YIF1B: variants seen among roughly 807,000 people sequenced by gnomAD.
YIF1B encodes the protein Yip1 interacting factor homolog B, membrane trafficking protein, also known as protein YIF1B.
Under a neutral mutation model 34.6 loss-of-function variants are expected in YIF1B, and 24 were observed. The observed-to-expected ratio is 0.69, with a 90% CI of 0.50 to 0.98. The LOEUF (loss-of-function observed/expected upper bound fraction) is 0.98. Among genes scored for constraint, YIF1B ranks in the 50% least tolerant of loss-of-function variants. The probability of loss-of-function intolerance (pLI) is 0.00; values close to 1 mark genes in which losing one functional copy is unlikely to be tolerated. For missense variants in YIF1B, 368 were observed against 429.4 expected, an observed-to-expected ratio of 0.86 and a Z score of 1.26; for synonymous variants, 186 against 184.8, an observed-to-expected ratio of 1.01 and a Z score of -0.05.
chr19:38,305,611 C>A (rs1968981777), intron 7 of YIF1B, 104 bp from the exon 8 acceptor site: 16 of 1,421,630 alleles, frequency 1.1e-5, no homozygotes, highest in African/African-American at 1.4e-5. Flanking sequence ...AAGCCCCAGG[C>A]AGCTGGGGAC....
intron 7 of YIF1B, chr19:38,307,134 C>T (rs1369092379): frequency 3.9e-6 from 2 of 509,702 alleles, no homozygotes; most frequent in African/African-American, 1.9e-5. Flanking sequence ...GAAATTCTGG[C>T]AGGAAGGCTC....
At chr19:38,307,115 C>A in intron 7 of YIF1B, 1 of 497,700 alleles carries the variant, frequency 2.0e-6, no homozygotes, top group African/African-American at 2.0e-5. Flanking sequence ...TAGAGAATCT[C>A]CTTCCAGGGA....
In YIF1B at chr19:38,304,537, TGCCCCTGACC is replaced by T. The variant is rs771596858; in HGVS notation, c.*805_*814del. 9.5e-6 allele frequency: 15 copies of T among 1,579,846 alleles called. No individual in the cohort carries two copies. The highest frequency in any genetic ancestry group is 1.7e-4 in the Middle Eastern group (1 of 6,036). ...TGCGGAGGGGCGGGAAGGCTGGGGT[TGCCCCTGACC>T]CCAGGGTCCTGCCTTAGGCCTCCAA... On this transcript the variant is annotated 3_prime_UTR_variant, in exon 8 of 8. Transcript: ENST00000339413.
At chr19:38,312,001 G>A (rs1373319249) in intron 1 of YIF1B, among the ~76,000 whole-genome samples, 1 of 152,092 alleles carries the variant, frequency 6.6e-6, no homozygotes, top group Non-Finnish European at 1.5e-5. Flanking sequence ...GGAGGCTGAG[G>A]CAGGAGAATT....
upstream of YIF1B, among the ~76,000 whole-genome samples, chr19:38,316,128 A>C (rs1011537794): frequency 6.7e-6 from 1 of 150,264 alleles, no homozygotes; most frequent in Non-Finnish European, 1.5e-5. Context: ...TACTGGGCTC[A>C]TGCAGTAAAG....
chr19:38,320,554 TTTTTC>T (rs1270080794), upstream of YIF1B, among the ~76,000 whole-genome samples: 2 of 151,548 alleles, frequency 1.3e-5, no homozygotes, highest in Non-Finnish European at 2.9e-5. Context: ...GTCTTTTTTT[TTTTTC>T]TTTTCTTTTT....
chr19:38,312,065 T>C (rs531167908), intron 1 of YIF1B, among the ~76,000 whole-genome samples: 11 of 152,132 alleles, frequency 7.2e-5, no homozygotes, highest in South Asian at 4.2e-4. Context: ...ATCGCGCCAC[T>C]GCACTCCAGC....
At chr19:38,316,906 C>G (rs2145032365), upstream of YIF1B, among the ~76,000 whole-genome samples, 1 of 152,248 alleles carries the variant, frequency 6.6e-6, no homozygotes, top group African/African-American at 2.4e-5. Context: ...AGCCATCCTC[C>G]TGCTTCAGCC....
chr19:38,317,413 C>G (rs1693565655), upstream of YIF1B: 1 of 152,360 alleles, frequency 6.6e-6, no homozygotes, highest in African/African-American at 2.4e-5. Flanking sequence ...TGAGTGCTGG[C>G]TCCACTGTGG....
rs1347267555 is a variant in YIF1B, at chr19:38,304,065, T to C, written c.*1287A>G. The C allele has an allele frequency of 4.4e-6, 3 of 679,604 alleles. No homozygotes were observed. Among genetic ancestry groups the C allele is most frequent in the Non-Finnish European group, 7.3e-6 (3 of 409,608 alleles). 42.1% of individuals were successfully genotyped at this position (679,604 alleles called of 1,614,324 possible). The stretch of plus-strand genomic sequence containing the variant: ...ACCAAGGCTGGCGGAAGCAGTCACC[T>C]GTCCATCTCCCCCACTTCTCACAGA... On this transcript the variant is annotated 3_prime_UTR_variant, in exon 8 of 8. Coordinates refer to ENST00000339413, the MANE Select transcript of YIF1B (RefSeq NM_001039672.3).
Position 38,304,155 on chromosome 19 carries a change from C to A in YIF1B, c.*1197G>T, listed in dbSNP as rs1383210566. 5.2e-6 allele frequency: 7 copies of A among 1,356,072 alleles called. No homozygotes were observed. The highest frequency in any genetic ancestry group is 5.2e-6 in the Non-Finnish European group (5 of 969,794). 84.0% of individuals were successfully genotyped at this position (1,356,072 alleles called of 1,614,324 possible). A position where few individuals can be genotyped will look rare whatever the true frequency, so the allele number is the denominator to read the frequency against. Reference sequence around the variant, plus strand: ...GGACCAGGACAGAGGTTGGGTGGGGCGTCTCAGCATTCCTCCAACGGGCAG... The same window carrying A: ...GGACCAGGACAGAGGTTGGGTGGGGAGTCTCAGCATTCCTCCAACGGGCAG... On this transcript the variant is annotated 3_prime_UTR_variant, in exon 8 of 8. Coordinates refer to ENST00000339413, the MANE Select transcript of YIF1B (RefSeq NM_001039672.3).
At chr19:38,306,565 C>G (rs949457472) in intron 7 of YIF1B, 5 of 171,546 alleles carry the variant, frequency 2.9e-5, no homozygotes, top group African/African-American at 1.2e-4. Context: ...CTGCCCTGGC[C>G]CACCAGCCAC....
chr19:38,318,870 T>C (rs1969612803), upstream of YIF1B, among the ~76,000 whole-genome samples: 1 of 152,130 alleles, frequency 6.6e-6, no homozygotes, highest in Non-Finnish European at 1.5e-5. Context: ...GTGGAGAGAC[T>C]TACGGGGGGG....
rs753269287 is a variant in YIF1B at position 38,305,454 on chromosome 19, C to T, written c.843G>A (p.Pro281=). Reference sequence around the variant, plus strand: ...GCAGCTGGTTCCGGGCCCCACGCACCGGGACCCCCTCAGCTGCTGCGTCTG... The same window carrying T: ...GCAGCTGGTTCCGGGCCCCACGCACTGGGACCCCCTCAGCTGCTGCGTCTG... ...ILADAAAEGV[P]VRGARNQLRM... Residue 281 remains proline, a synonymous_variant, in exon 8 of 8, where the codon CCG becomes CCA. Transcript: ENST00000339413. The T allele has an allele frequency of 2.5e-6, 4 of 1,609,498 alleles. No homozygotes were observed. In the South Asian group the frequency reaches 3.3e-5, roughly 13 times the overall value.
chr19:38,317,705 G>A (rs1053853634), upstream of YIF1B, among the ~76,000 whole-genome samples: 3 of 151,690 alleles, frequency 2.0e-5, no homozygotes, highest in Non-Finnish European at 2.9e-5. Flanking sequence ...TCAGCCTCCC[G>A]ATAGCTGAGA....
intron 1 of YIF1B, among the ~76,000 whole-genome samples, chr19:38,313,094 G>T (rs1048944208): frequency 1.3e-5 from 2 of 151,908 alleles, no homozygotes; most frequent in Non-Finnish European, 2.9e-5. Flanking sequence ...TAGGATTATA[G>T]GCGCACGCCA....
At position 38,304,271 on chromosome 19, in the gene YIF1B, G is replaced by A. The variant is rs1311771090; in HGVS notation, c.*1081C>T. On this transcript the variant is annotated 3_prime_UTR_variant, in exon 8 of 8. Transcript: ENST00000339413. ...AACTTCTCTTACCGCCATGGAGTTC[G>A]ACCTGGGAGCAGGTGAGCTCCTGGG... is the stretch of plus-strand genomic sequence containing the variant. The A allele has an allele frequency of 6.2e-6, 10 of 1,613,620 alleles. No individual in the cohort carries two copies. The highest frequency in any genetic ancestry group is 6.8e-6 in the Non-Finnish European group (8 of 1,180,048).
At chr19:38,314,650 G>A (rs976114135) in intron 1 of YIF1B, among the ~76,000 whole-genome samples, 16 of 123,398 alleles carry the variant, frequency 1.3e-4, no homozygotes, top group Non-Finnish European at 9.7e-5. Flanking sequence ...TTGAGGCGAA[G>A]TCTTGCTCTG....
chr19:38,316,842 G>A (rs1410184799), upstream of YIF1B, among the ~76,000 whole-genome samples: 1 of 152,036 alleles, frequency 6.6e-6, no homozygotes, highest in Non-Finnish European at 1.5e-5. Context: ...TAAATTTTTT[G>A]TCAAAACAGG....
Sources: allele counts gnomAD v4.1 joint callset (sites outside exome capture counted in the v4.1 genomes callset), GRCh38; gene constraint gnomAD v4.1.1; transcripts MANE v1.5; gene names NCBI Gene and HGNC (gene_info 2026-07-23, HGNC 2026-07-21).